The following TAB2 variants were observed in gnomAD, a reference collection of about 807,000 sequenced individuals.
TAB2 encodes the protein TGF-beta-activated kinase 1 and MAP3K7-binding protein 2.
TAB2 carries 3 observed loss-of-function variants against 65.0 expected under a neutral mutation model. That is an observed-to-expected ratio of 0.05 (90% CI 0.02 to 0.12). The LOEUF (loss-of-function observed/expected upper bound fraction) is 0.12. Ranked by LOEUF, TAB2 falls within the 10% of genes least tolerant of loss-of-function variation. TAB2 has a pLI of 1.00. For missense variants in TAB2, 623 were observed against 840.3 expected, an observed-to-expected ratio of 0.74 and a Z score of 3.20; for synonymous variants, 298 against 285.1, an observed-to-expected ratio of 1.05 and a Z score of -0.46.
At chr6:149,259,334 T>TACACACACACACACACACACAC (rs61261942) in intron 1 of TAB2, among the ~76,000 whole-genome samples, 2 of 146,036 alleles carry the variant, frequency 1.4e-5, no homozygotes, top group East Asian at 4.1e-4. Context: ...ACGCTCCCTC[T>TACACACACACACACACACACAC]ACACACACAC....
At chr6:149,262,369 C>T (rs1304682713) in intron 1 of TAB2, among the ~76,000 whole-genome samples, 1 of 152,048 alleles carries the variant, frequency 6.6e-6, no homozygotes, top group Non-Finnish European at 1.5e-5. Context: ...CCCGTCTCTA[C>T]TAAAAATACA....
At chr6:149,339,306 T>C (rs1427995832) in intron 1 of TAB2, among the ~76,000 whole-genome samples, 1 of 151,804 alleles carries the variant, frequency 6.6e-6, no homozygotes, top group African/African-American at 2.4e-5. Context: ...GAAGCGGAGG[T>C]TGCAGTGAGC....
At chr6:149,403,365 CACACACACAT>C (rs1468742402) in intron 6 of TAB2, among the ~76,000 whole-genome samples, 5 of 125,578 alleles carry the variant, frequency 4.0e-5, no homozygotes, top group Non-Finnish European at 6.6e-5. Flanking sequence ...CACACACACA[CACACACACAT>C]ACACATACAC....
At chr6:149,403,098 G>A (rs927822952) in intron 6 of TAB2, among the ~76,000 whole-genome samples, 2 of 151,454 alleles carry the variant, frequency 1.3e-5, no homozygotes, top group African/African-American at 4.8e-5. Flanking sequence ...GCCTGGCTTG[G>A]CGGCCCATGC....
intron 1 of TAB2, among the ~76,000 whole-genome samples, chr6:149,282,071 C>G (rs938949657): frequency 2.0e-5 from 3 of 151,906 alleles, no homozygotes; most frequent in Admixed American, 2.0e-4. Flanking sequence ...GAGGCTGAGA[C>G]GGAAGAATTG....
chr6:149,370,389 T>C (rs1482338342), intron 2 of TAB2, among the ~76,000 whole-genome samples: 2 of 152,172 alleles, frequency 1.3e-5, no homozygotes, highest in Non-Finnish European at 2.9e-5. Flanking sequence ...TCTTAACTTT[T>C]CTCCCACCTG....
intron 1 of TAB2, among the ~76,000 whole-genome samples, chr6:149,352,928 C>T (rs183888366): frequency 6.6e-6 from 1 of 152,216 alleles, no homozygotes; most frequent in East Asian, 1.9e-4. Flanking sequence ...GCGTTTTTGT[C>T]CAATATCTTA....
Position 149,369,900 on chromosome 6 carries a change from C to T in TAB2, c.-89-9C>T. On this transcript the variant is annotated splice_polypyrimidine_tract_variant and intron_variant, in intron 1 of 6. Coordinates refer to ENST00000637181, the MANE Select transcript of TAB2 (RefSeq NM_001292034.3). Reference sequence around the variant, plus strand: ...GTTCTCATTAAAATTTTTTTTCTTTCTTTCACAGAAAATGCTTGGACAGAA... The same window carrying T: ...GTTCTCATTAAAATTTTTTTTCTTTTTTTCACAGAAAATGCTTGGACAGAA... 25 of 1,110,334 alleles carry T rather than the reference C, an allele frequency of 2.3e-5. No individual in the cohort carries two copies. Among genetic ancestry groups the T allele is most frequent in the Admixed American group, 1.7e-4 (9 of 52,040 alleles). 68.8% of individuals were successfully genotyped at this position (1,110,334 alleles called of 1,614,324 possible).
At chr6:149,279,102 A>G (rs1252476720) in intron 1 of TAB2, among the ~76,000 whole-genome samples, 1 of 152,178 alleles carries the variant, frequency 6.6e-6, no homozygotes, top group Non-Finnish European at 1.5e-5. Context: ...AACTACTGAA[A>G]TCTGGCTCCT....
At chr6:149,286,845 G>A (rs912331846) in intron 1 of TAB2, among the ~76,000 whole-genome samples, 5 of 152,164 alleles carry the variant, frequency 3.3e-5, no homozygotes, top group African/African-American at 1.2e-4. Context: ...GCTGGGCGCG[G>A]TAGCTCACAC....
At chr6:149,398,162 T>C (rs1296269479) in intron 5 of TAB2, 100 bp downstream of exon 5, 9 of 1,013,508 alleles carry the variant, frequency 8.9e-6, no homozygotes, top group Non-Finnish European at 9.1e-6. Context: ...TCTTACTGTC[T>C]CAGAACATGT....
intron 1 of TAB2, among the ~76,000 whole-genome samples, chr6:149,270,252 T>G (rs1372951510): frequency 6.6e-6 from 1 of 152,236 alleles, no homozygotes; most frequent in African/African-American, 2.4e-5. Context: ...TGATCAAATG[T>G]TGGTTGAATT....
At chr6:149,223,609 G>A (rs1777203116) in intron 1 of TAB2, among the ~76,000 whole-genome samples, 1 of 152,138 alleles carries the variant, frequency 6.6e-6, no homozygotes, top group Non-Finnish European at 1.5e-5. Flanking sequence ...GGTTTTCTGT[G>A]GCTTTGGGGG....
chr6:149,365,207 GTC>G (rs1177839715), intron 1 of TAB2, among the ~76,000 whole-genome samples: 1 of 152,076 alleles, frequency 6.6e-6, no homozygotes. Context: ...TAGGAAATGT[GTC>G]TCTGTTTATT....
In TAB2 at chr6:149,310,660, C is replaced by T. The variant is rs72999848; in HGVS notation, c.-120-67358C>T. On this transcript the variant is annotated intron_variant, in intron 1 of 1. Coordinates refer to the TAB2 transcript ENST00000606202. ...TTTGCATTCTCTGTAAGTTTGGCCT[C>T]TCATCCTTTTACATCTGAATGACAG... 5.9e-3 allele frequency among the ~76,000 whole-genome samples: 903 copies of T among 152,194 alleles called. 6 individuals are homozygous for T. The highest frequency in any genetic ancestry group is 8.4e-3 in the Non-Finnish European group (569 of 68,004).
intron 1 of TAB2, among the ~76,000 whole-genome samples, chr6:149,306,676 C>T (rs1779078959): frequency 6.6e-6 from 1 of 152,122 alleles, no homozygotes; most frequent in African/African-American, 2.4e-5. Flanking sequence ...CGCTTGAACC[C>T]GGGAGGCAGA....
chr6:149,400,282 C>A, intron 6 of TAB2: 3 of 1,239,996 alleles, frequency 2.4e-6, no homozygotes, highest in Non-Finnish European at 3.4e-6. Flanking sequence ...CCCTCTCCCT[C>A]ATCCACCGCT....
chr6:149,347,845 T>C (rs1392875597), intron 1 of TAB2, among the ~76,000 whole-genome samples: 4 of 152,202 alleles, frequency 2.6e-5, no homozygotes, highest in African/African-American at 9.7e-5. Flanking sequence ...TTGTATAATA[T>C]GTCAATAATG....
chr6:149,303,672 A>G (rs149653960), intron 1 of TAB2, among the ~76,000 whole-genome samples: 1 of 152,264 alleles, frequency 6.6e-6, no homozygotes, highest in Non-Finnish European at 1.5e-5. Context: ...AAACTTTTAC[A>G]TGTATTGATT....
Sources: allele counts gnomAD v4.1 joint callset (sites outside exome capture counted in the v4.1 genomes callset), GRCh38; gene constraint gnomAD v4.1.1; transcripts MANE v1.5; gene names NCBI Gene and HGNC (gene_info 2026-07-23, HGNC 2026-07-21).